Variants in NXPE2 observed in about 807,000 individuals in gnomAD.
NXPE2 encodes neurexophilin and PC-esterase domain family member 2.
In NXPE2, 34 loss-of-function variants were observed where a neutral mutation model predicts 34.4. The ratio of observed to expected loss-of-function variants is 0.99; its 90% CI spans 0.75 to 1.31. The LOEUF is 1.31. Ranked by LOEUF, NXPE2 falls within the 40% of genes most tolerant of loss-of-function variation. The pLI is 0.00. For missense variants in NXPE2, 649 were observed against 672.5 expected (o/e 0.97, Z 0.39); for synonymous variants, 235 against 231.3 (o/e 1.02, Z -0.15).
At chr11:114,769,304 G>A in the NXPE2 span, among the ~76,000 whole-genome samples, 1 of 152,240 alleles carries the variant, frequency 6.6e-6, no homozygotes, top group East Asian at 1.9e-4. Flanking sequence ...TAAGAAGTCA[G>A]GAAACAACAG....
At chr11:114,501,828 G>T in the NXPE2 span, among the ~76,000 whole-genome samples, 1 of 152,142 alleles carries the variant, frequency 6.6e-6, no homozygotes. Context: ...ACTTTTTCCT[G>T]AGACAGAGAA....
chr11:114,598,764 A>G, the NXPE2 span, among the ~76,000 whole-genome samples: 7 of 151,964 alleles, frequency 4.6e-5, no homozygotes, highest in African/African-American at 1.2e-4. Flanking sequence ...TCACAAAACC[A>G]TTCTTCCCTT....
intron 2 of NXPE2, among the ~76,000 whole-genome samples, chr11:114,697,340 G>A (rs1951277130): frequency 6.6e-6 from 1 of 152,132 alleles, no homozygotes; most frequent in Non-Finnish European, 1.5e-5. Context: ...ACAAGCCAAG[G>A]AACACCAAGG....
At chr11:114,653,594 C>T in the NXPE2 span, among the ~76,000 whole-genome samples, 1 of 139,302 alleles carries the variant, frequency 7.2e-6, no homozygotes, top group African/African-American at 2.7e-5. Context: ...GTGGCACGAT[C>T]TCGGCTCACT....
intron 2 of NXPE2, among the ~76,000 whole-genome samples, chr11:114,695,331 C>T (rs1247078805): frequency 1.3e-5 from 2 of 152,132 alleles, no homozygotes; most frequent in Non-Finnish European, 2.9e-5. Flanking sequence ...GATTTAGTCC[C>T]AGTATTTTAG....
the NXPE2 span, among the ~76,000 whole-genome samples, chr11:114,787,142 C>G: frequency 1.3e-5 from 2 of 152,028 alleles, no homozygotes; most frequent in Non-Finnish European, 2.9e-5. Context: ...ACAAGTTTAT[C>G]AAGTTGAGAG....
chr11:114,617,027 C>T, the NXPE2 span, among the ~76,000 whole-genome samples: 3 of 151,366 alleles, frequency 2.0e-5, no homozygotes, highest in African/African-American at 4.9e-5. Context: ...AGTATTTCCT[C>T]GTGGGTAACC....
chr11:114,597,906 C>A, the NXPE2 span, among the ~76,000 whole-genome samples: 2 of 152,106 alleles, frequency 1.3e-5, no homozygotes, highest in South Asian at 2.1e-4. Flanking sequence ...TTTCAAAATA[C>A]AATCATGCCT....
chr11:114,604,610 C>T, the NXPE2 span, among the ~76,000 whole-genome samples: 14 of 138,240 alleles, frequency 1.0e-4, no homozygotes, highest in African/African-American at 3.0e-4. Context: ...CATTACCCAC[C>T]GGATACTAAG....
chr11:114,602,810 GAA>G, the NXPE2 span, among the ~76,000 whole-genome samples: 12 of 138,136 alleles, frequency 8.7e-5, no homozygotes, highest in Admixed American at 1.5e-4. Context: ...TATAATTACA[GAA>G]TCATATATAA....
chr11:114,590,316 T>C, the NXPE2 span, among the ~76,000 whole-genome samples: 1 of 152,170 alleles, frequency 6.6e-6, no homozygotes, highest in Non-Finnish European at 1.5e-5. Flanking sequence ...CTTGGTAAAG[T>C]ACCTTGGTTT....
the NXPE2 span, chr11:114,571,093 T>C: frequency 6.2e-7 from 1 of 1,614,042 alleles, no homozygotes; most frequent in Non-Finnish European, 8.5e-7. Context: ...AGATATTGAA[T>C]GTAACCATGA....
the NXPE2 span, among the ~76,000 whole-genome samples, chr11:114,489,085 A>G: frequency 2.6e-5 from 4 of 152,350 alleles, no homozygotes; most frequent in South Asian, 8.3e-4. Flanking sequence ...AAACACCTCT[A>G]TGCAAATAAA....
chr11:114,630,027 C>T, the NXPE2 span, among the ~76,000 whole-genome samples: 1 of 150,944 alleles, frequency 6.6e-6, no homozygotes, highest in Non-Finnish European at 1.5e-5. Context: ...AAAGAGGATA[C>T]AAACAAATGG....
chr11:114,468,780 G>T, the NXPE2 span, among the ~76,000 whole-genome samples: 4 of 152,132 alleles, frequency 2.6e-5, no homozygotes, highest in Non-Finnish European at 5.9e-5. Flanking sequence ...AATCTTCATA[G>T]CAACCCTGTG....
the NXPE2 span, among the ~76,000 whole-genome samples, chr11:114,650,830 A>G: frequency 3.4e-5 from 5 of 147,590 alleles, no homozygotes; most frequent in Non-Finnish European, 7.6e-5. Flanking sequence ...CAAAGGCTGG[A>G]CCCGGAAAAC....
the NXPE2 span, among the ~76,000 whole-genome samples, chr11:114,807,659 G>A: frequency 2.6e-5 from 4 of 151,322 alleles, no homozygotes; most frequent in Non-Finnish European, 5.9e-5. Context: ...AAATATATAT[G>A]CAACCAATAC....
the NXPE2 span, among the ~76,000 whole-genome samples, chr11:114,483,913 C>G: frequency 6.6e-6 from 1 of 152,172 alleles, no homozygotes; most frequent in African/African-American, 2.4e-5. Context: ...CCCACTGACC[C>G]CTGGCTGATG....
At chr11:114,676,026 C>T (rs1049447643), upstream of NXPE2, among the ~76,000 whole-genome samples, 2 of 151,844 alleles carry the variant, frequency 1.3e-5, no homozygotes, top group Non-Finnish European at 2.9e-5. Flanking sequence ...ATAAATGGTG[C>T]TGACAGAACT....
Sources: gnomAD v4.1 joint callset for allele counts (sites outside exome capture counted in the v4.1 genomes callset) on GRCh38, gnomAD v4.1.1 for gene constraint, MANE v1.5 for transcripts, NCBI Gene and HGNC (gene_info 2026-07-23, HGNC 2026-07-21) for gene names.